The following FAT4 variants were observed in gnomAD, a reference collection of about 807,000 sequenced individuals.
The protein encoded by FAT4 is protocadherin Fat 4.
In FAT4, 84 loss-of-function variants were observed where a neutral mutation model predicts 303.9. The ratio of observed to expected loss-of-function variants is 0.28; its 90% confidence interval spans 0.23 to 0.33. The LOEUF is 0.33. FAT4 is among the 10% of genes least tolerant of loss of function. The pLI is 1.00. For missense variants in FAT4, 6,005 were observed against 6,146.8 expected (o/e 0.98, Z 0.77); for synonymous variants, 2,307 against 2,298.8 (o/e 1.00, Z -0.10).
rs776605411 is a variant in FAT4 at position 125,448,485 on chromosome 4, T to C, written c.7475T>C (p.Val2492Ala). The change falls in exon 10 of 18, where the codon GTC becomes GCC. Residue 2492 changes from valine to alanine, a missense_variant. By Grantham distance (64) the Val-to-Ala change is moderately conservative (BLOSUM62 0). Transcript: ENST00000394329. ...GGTTCCTTTGTCTTTGCGGTTACAG[T>C]CACAGATGCTGATATTGGACCAAAT... ...LPGSFVFAVT[V>A]TDADIGPNSE... The C allele has an allele frequency of 6.2e-7, 1 of 1,607,874 alleles. No homozygotes were observed. Among genetic ancestry groups the C allele is most frequent in the Admixed American group, 1.7e-5 (1 of 59,370 alleles).
At chr4:125,338,951 C>T (rs1731672186) in intron 2 of FAT4, among the ~76,000 whole-genome samples, 1 of 152,038 alleles carries the variant, frequency 6.6e-6, no homozygotes, top group South Asian at 2.1e-4. Context: ...CCAAGGGATA[C>T]TCTAGTGTAC....
rs780070056 is a variant in FAT4 at position 125,319,321 on chromosome 4, C to A, written c.2910C>A (p.Asp970Glu). The A allele has an allele frequency of 6.2e-7, 1 of 1,613,990 alleles. No homozygotes were observed. Among genetic ancestry groups the A allele is most frequent in the East Asian group, 2.2e-5 (1 of 44,870 alleles). Reference protein sequence around the residue: ...GSYQIEILASDMGVPQLSSSV... With the variant: ...GSYQIEILASEMGVPQLSSSV... ...ACCAAATAGAGATCTTGGCATCTGA[C>A]ATGGGTGTCCCACAGCTCTCCTCTA... is the stretch of plus-strand genomic sequence containing the variant. Residue 970 changes from aspartate to glutamate, a missense_variant, in exon 2 of 18, where the codon GAC becomes GAA. Coordinates refer to ENST00000394329, the MANE Select transcript of FAT4 (RefSeq NM_001291303.3).
At chr4:125,363,187 T>C (rs1732737044) in intron 2 of FAT4, among the ~76,000 whole-genome samples, 1 of 152,074 alleles carries the variant, frequency 6.6e-6, no homozygotes, top group Admixed American at 6.6e-5. Context: ...AATGCATAAT[T>C]TCAAAGACAT....
intron 8 of FAT4, among the ~76,000 whole-genome samples, chr4:125,444,083 TAGAC>T (rs1342744783): frequency 4.6e-5 from 7 of 152,198 alleles, no homozygotes; most frequent in Non-Finnish European, 4.4e-5. Flanking sequence ...TACTTTAAAA[TAGAC>T]AGTCATACGG....
At position 125,317,230 on chromosome 4, in the gene FAT4, G is replaced by C. The variant is rs748050828; in HGVS notation, c.819G>C (p.Ala273=). 6.3e-7 allele frequency: 1 copy of C among 1,580,722 alleles called. No homozygotes were observed. Among genetic ancestry groups the C allele is most frequent in the Non-Finnish European group, 8.6e-7 (1 of 1,160,912 alleles). Residue 273 remains alanine, a synonymous_variant, in exon 2 of 18, where the codon GCG becomes GCC. Coordinates refer to ENST00000394329, the MANE Select transcript of FAT4 (RefSeq NM_001291303.3). The surrounding 1 kb of genome is among the most constrained non-coding windows in gnomAD (Gnocchi z 7.0). ...TGGGTTCCAGCGTCCTCCAGGTGGC[G>C]GCGGCGGACGCGGACGAGGGCACCA... ...AVVGSSVLQV[A]AADADEGTNA... is the part of the protein sequence containing the mutation.
At chr4:125,435,011 C>G (rs1725404817) in intron 8 of FAT4, among the ~76,000 whole-genome samples, 1 of 152,206 alleles carries the variant, frequency 6.6e-6, no homozygotes, top group South Asian at 2.1e-4. Flanking sequence ...CAGTGGTGAC[C>G]AGCTCAGATT....
intron 2 of FAT4, among the ~76,000 whole-genome samples, chr4:125,357,803 G>A (rs1347503772): frequency 1.3e-5 from 2 of 151,430 alleles, no homozygotes; most frequent in East Asian, 1.9e-4. Flanking sequence ...GTCATTTACC[G>A]TGGATGCTCT....
rs200214434 is a variant in FAT4, at chr4:125,320,936, C to T, written c.4525C>T (p.Arg1509Trp). ...NDQAVPIETR[R>W]YALKNVTILV... ...TCAAGCTGTGCCAATAGAAACTAGA[C>T]GGTATGCTTTGAAGAACGTGACCAT... The change falls in exon 2 of 18, where the codon CGG (arginine) becomes TGG (tryptophan). Residue 1509 changes from arginine to tryptophan, a missense_variant. Coordinates refer to ENST00000394329, the MANE Select transcript of FAT4 (RefSeq NM_001291303.3). 37 of 1,614,104 alleles carry T rather than the reference C, an allele frequency of 2.3e-5. No homozygotes were observed. Among genetic ancestry groups the T allele is most frequent in the African/African-American group, 4.0e-5 (3 of 75,026 alleles).
In FAT4 at chr4:125,446,478, A is replaced by G. The variant is rs1317062191; in HGVS notation, c.7385A>G (p.Asn2462Ser). ...TSVLVTVTDVNDNPPRFQHHP... is the reference protein window; with the variant it reads ...TSVLVTVTDVSDNPPRFQHHP... The stretch of plus-strand genomic sequence containing the variant: ...GTGCTTGTCACTGTGACTGATGTCA[A>G]TGACAATCCACCAAGATTTCAGCAT... The change falls in exon 9 of 18, where the codon AAT becomes AGT. Residue 2462 changes from asparagine (N) to serine (S), a missense_variant. Coordinates refer to ENST00000394329, the MANE Select transcript of FAT4 (RefSeq NM_001291303.3). 1.2e-6 allele frequency: 2 copies of G among 1,613,326 alleles called. No individual in the cohort carries two copies. Among genetic ancestry groups the G allele is most frequent in the African/African-American group, 1.3e-5 (1 of 74,862 alleles).
Position 125,448,577 on chromosome 4 carries a change from G to A in FAT4, c.7567G>A (p.Ala2523Thr). ...EKFHIDPLRG[A>T]IMAAGPLNGA... ...ATTTCACATTGACCCACTGAGGGGA[G>A]CCATTATGGCCGCCGGACCACTAAA... Residue 2523 changes from alanine to threonine, a missense_variant, in exon 10 of 18, where the codon GCC becomes ACC. Coordinates refer to ENST00000394329, the MANE Select transcript of FAT4 (RefSeq NM_001291303.3). 1 of 1,613,936 alleles carries A rather than the reference G, an allele frequency of 6.2e-7. No individual in the cohort carries two copies. The highest frequency in any genetic ancestry group is 8.5e-7 in the Non-Finnish European group (1 of 1,179,900).
chr4:125,440,610 T>TGAGAGA (rs1553925990), intron 8 of FAT4, among the ~76,000 whole-genome samples: 1,726 of 75,690 alleles, frequency 0.023, 55 homozygotes, highest in East Asian at 0.094. Flanking sequence ...TGTGTGTGTG[T>TGAGAGA]GAGAGAGAGA....
chr4:125,479,184 A>G (rs1220267269), intron 14 of FAT4, among the ~76,000 whole-genome samples: 3 of 152,210 alleles, frequency 2.0e-5, no homozygotes, highest in Non-Finnish European at 4.4e-5. Flanking sequence ...CCTAATCTAA[A>G]GATTCAGCAA....
chr4:125,419,639 A>G (rs1002855377), intron 7 of FAT4, among the ~76,000 whole-genome samples: 2 of 152,142 alleles, frequency 1.3e-5, no homozygotes, highest in Non-Finnish European at 2.9e-5. Context: ...CTTACCATTG[A>G]CTACATGGGA....
chr4:125,441,746 T>C (rs1462400174), intron 8 of FAT4, among the ~76,000 whole-genome samples: 1 of 152,158 alleles, frequency 6.6e-6, no homozygotes, highest in Non-Finnish European at 1.5e-5. Flanking sequence ...AGTCTTCAAA[T>C]TCTAGTCACC....
In FAT4 at chr4:125,450,840, A is replaced by G; in HGVS notation, c.9830A>G (p.Asp3277Gly). 1 of 1,614,134 alleles carries G rather than the reference A, an allele frequency of 6.2e-7. No homozygotes were observed. The highest frequency in any genetic ancestry group is 2.2e-5 in the East Asian group (1 of 44,860). The change falls in exon 10 of 18, where the codon GAT (aspartate) becomes GGT (glycine). Residue 3277 changes from aspartate (D) to glycine (G), a missense_variant. Coordinates refer to ENST00000394329, the MANE Select transcript of FAT4 (RefSeq NM_001291303.3). ...ACTGTGAAAGCCTTCAATGTCCCCG[A>G]TGAGGAAAGGTGTAGCTTTGCCACT... is the stretch of plus-strand genomic sequence containing the variant. Reference protein sequence around the residue: ...HLTVKAFNVPDEERCSFATVN... With the variant: ...HLTVKAFNVPGEERCSFATVN...
intron 16 of FAT4, among the ~76,000 whole-genome samples, 154 bp from the exon 17 acceptor site, chr4:125,487,191 G>C (rs775268622): frequency 6.6e-6 from 1 of 152,164 alleles, no homozygotes; most frequent in Non-Finnish European, 1.5e-5. Flanking sequence ...CCTAAAATTA[G>C]AGACAAAGTG....
intron 13 of FAT4, among the ~76,000 whole-genome samples, chr4:125,476,940 A>G (rs994243768): frequency 4.5e-4 from 69 of 152,206 alleles, no homozygotes; most frequent in African/African-American, 1.7e-3. Flanking sequence ...GACTAATTGA[A>G]AACATAATTT....
At chr4:125,387,019 A>G (rs960360040) in intron 2 of FAT4, among the ~76,000 whole-genome samples, 11 of 152,114 alleles carry the variant, frequency 7.2e-5, no homozygotes, top group African/African-American at 2.7e-4. Context: ...CACCATTCAC[A>G]ATAGGGTCCA....
rs1341938689 is a variant in FAT4, at chr4:125,449,442, A to G, written c.8432A>G (p.Tyr2811Cys). 1.2e-6 allele frequency: 2 copies of G among 1,613,890 alleles called. No homozygotes were observed. Among genetic ancestry groups the G allele is most frequent in the South Asian group, 2.2e-5 (2 of 91,082 alleles). Reference protein sequence around the residue: ...EDIGINAISRYSIMDASLPFT... With the variant: ...EDIGINAISRCSIMDASLPFT... ...ATTGGGATCAATGCAATTAGTAGAT[A>G]TTCTATAATGGATGCAAGTCTTCCA... The change falls in exon 10 of 18, where the codon TAT (tyrosine) becomes TGT (cysteine). Residue 2811 changes from tyrosine to cysteine, a missense_variant. Transcript: ENST00000394329.
Sources: gnomAD v4.1 joint callset for allele counts (sites outside exome capture counted in the v4.1 genomes callset) on GRCh38, gnomAD v4.1.1 for gene constraint, Gnocchi (gnomAD v3.1) non-coding constraint, MANE v1.5 for transcripts, NCBI Gene and HGNC (gene_info 2026-07-23, HGNC 2026-07-21) for gene names.